The following EXPH5 variants were observed in gnomAD, a reference collection of about 807,000 sequenced individuals.
EXPH5 encodes exophilin-5.
In EXPH5, 42 loss-of-function variants were observed where a neutral mutation model predicts 41.1. The ratio of observed to expected loss-of-function variants is 1.02; its 90% confidence interval spans 0.80 to 1.32. The LOEUF is 1.32. EXPH5 is among the 40% of genes most tolerant of loss of function. The pLI is 0.00. For synonymous variants in EXPH5, 798 were observed against 833.5 expected (o/e 0.96, Z 0.73); for missense variants, 2,298 against 2,314.5 (o/e 0.99, Z 0.15).
chr11:108,599,030 G>GAC, the EXPH5 span, among the ~76,000 whole-genome samples: 3 of 150,942 alleles, frequency 2.0e-5, no homozygotes, highest in Non-Finnish European at 4.4e-5. Context: ...TCCGGAAAAA[G>GAC]AGACGGAGAG....
intron 1 of EXPH5, among the ~76,000 whole-genome samples, chr11:108,543,355 T>C (rs1049552033): frequency 6.6e-6 from 1 of 152,148 alleles, no homozygotes. Context: ...CTAGAACTGT[T>C]TGGAAATGAG....
At chr11:108,534,616 G>A (rs2093867120) in intron 3 of EXPH5, among the ~76,000 whole-genome samples, 1 of 152,186 alleles carries the variant, frequency 6.6e-6, no homozygotes, top group Non-Finnish European at 1.5e-5. Context: ...TCAAAAATTA[G>A]CTCTCTTCTT....
At chr11:108,538,236 G>C (rs2093891916) in intron 3 of EXPH5, 1 of 985,248 alleles carries the variant, frequency 1.0e-6, no homozygotes, top group Admixed American at 6.2e-5. Context: ...GTGGTTTGAC[G>C]GCACGCGGAA....
At chr11:108,592,758 C>T (rs961393248) in intron 1 of EXPH5, among the ~76,000 whole-genome samples, 2 of 152,226 alleles carry the variant, frequency 1.3e-5, no homozygotes, top group African/African-American at 4.8e-5. Context: ...CACAGCACCA[C>T]GCACAAGAAG....
chr11:108,581,008 T>A (rs998769162), intron 1 of EXPH5, among the ~76,000 whole-genome samples: 1 of 152,194 alleles, frequency 6.6e-6, no homozygotes, highest in Non-Finnish European at 1.5e-5. Context: ...ACTATAGGTA[T>A]TTAATAACAT....
At chr11:108,576,083 T>C (rs958664453) in intron 1 of EXPH5, among the ~76,000 whole-genome samples, 4 of 152,226 alleles carry the variant, frequency 2.6e-5, no homozygotes, top group Non-Finnish European at 5.9e-5. Context: ...CTATATACTC[T>C]GGAGAACTGA....
chr11:108,506,930 G>T lies in EXPH5; in HGVS notation c.*2607C>A, dbSNP rs1370231248. On this transcript the variant is annotated 3_prime_UTR_variant, in exon 6 of 6. Transcript: ENST00000265843. ...CGCTTGAACCTGGGAGGCGGAGGTT[G>T]CAGTGAGCCGAGATTGCGCCATTGC... 1.3e-5 allele frequency: 2 copies of T among 152,182 alleles called. No homozygotes were observed. The highest frequency in any genetic ancestry group is 2.9e-5 in the Non-Finnish European group (2 of 68,072). The allele number at this position is 152,182 out of a possible 1,614,324, so 9.4% of individuals were successfully genotyped here.
Position 108,511,929 on chromosome 11 carries a change from C to T in EXPH5, c.3578G>A (p.Gly1193Asp). The T allele has an allele frequency of 6.2e-7, 1 of 1,600,152 alleles. No homozygotes were observed. The highest frequency in any genetic ancestry group is 8.5e-7 in the Non-Finnish European group (1 of 1,176,030). ...ENFQEYTEKEGKMAASRRSVF... is the reference protein window; with the variant it reads ...ENFQEYTEKEDKMAASRRSVF... ...ACTTCTCCTGGAGGCAGCCATTTTA[C>T]CCTCTTTCTCAGTGTATTCTTGGAA... Residue 1193 changes from glycine (G) to aspartate (D), a missense_variant, in exon 6 of 6, where the codon GGT becomes GAT. Physicochemically the swap from Gly to Asp is moderately conservative, Grantham distance 94. Transcript: ENST00000265843.
chr11:108,546,090 A>G (rs2093936988), intron 1 of EXPH5, among the ~76,000 whole-genome samples: 1 of 151,972 alleles, frequency 6.6e-6, no homozygotes, highest in Admixed American at 6.6e-5. Context: ...TAGCCTCTGT[A>G]GAGCAACAAG....
At position 108,593,587 on chromosome 11, in the gene EXPH5, G is replaced by C; in HGVS notation, c.-51C>G. 1 of 1,613,216 alleles carries C rather than the reference G, an allele frequency of 6.2e-7. No homozygotes were observed. On this transcript the variant is annotated 5_prime_UTR_variant, in exon 1 of 6. Coordinates refer to ENST00000265843, the MANE Select transcript of EXPH5 (RefSeq NM_015065.3). ...TTAAGCTCCTTGGCGCCTCCTGTTA[G>C]GAAGGCATTTTTCAACCTGTACAAG...
chr11:108,518,369 G>A lies in EXPH5; in HGVS notation c.497C>T (p.Ala166Val). The A allele has an allele frequency of 6.2e-7, 1 of 1,613,022 alleles. No homozygotes were observed. Among genetic ancestry groups the A allele is most frequent in the Non-Finnish European group, 8.5e-7 (1 of 1,179,654 alleles). Residue 166 changes from alanine to valine, a missense_variant, in exon 5 of 6, where the codon GCA (alanine) becomes GTA (valine). Physicochemically the swap from Ala to Val is moderately conservative, Grantham distance 64. Coordinates refer to ENST00000265843, the MANE Select transcript of EXPH5 (RefSeq NM_015065.3). ...TTCCAGAGGTGAATTGTATATTTTT[G>A]CCTGCTAATTTTAAAGCAGAGAACA... Reference protein sequence around the residue: ...PMPVRGAAVQAKIYNSPLENH... With the variant: ...PMPVRGAAVQVKIYNSPLENH...
At chr11:108,574,907 C>CT (rs2094074838) in intron 1 of EXPH5, among the ~76,000 whole-genome samples, 1 of 152,198 alleles carries the variant, frequency 6.6e-6, no homozygotes, top group Non-Finnish European at 1.5e-5. Flanking sequence ...TCTGGAGCAG[C>CT]TGCAGCTATT....
At chr11:108,565,388 T>G (rs2094030339) in intron 1 of EXPH5, among the ~76,000 whole-genome samples, 1 of 152,220 alleles carries the variant, frequency 6.6e-6, no homozygotes, top group Non-Finnish European at 1.5e-5. Context: ...AACTGGGGAC[T>G]CAGATTGGCC....
the EXPH5 span, among the ~76,000 whole-genome samples, chr11:108,602,716 A>C: frequency 6.6e-6 from 1 of 152,278 alleles, no homozygotes; most frequent in South Asian, 2.1e-4. Context: ...CACCCATCTA[A>C]AACTGTCTTT....
At chr11:108,584,197 T>C (rs1220519071) in intron 1 of EXPH5, among the ~76,000 whole-genome samples, 1 of 152,176 alleles carries the variant, frequency 6.6e-6, no homozygotes, top group Non-Finnish European at 1.5e-5. Flanking sequence ...TCATTCTGGC[T>C]GGGCACAGTG....
chr11:108,591,749 A>T (rs544215750), intron 1 of EXPH5, among the ~76,000 whole-genome samples: 1 of 108,812 alleles, frequency 9.2e-6, no homozygotes, highest in East Asian at 2.7e-4. Context: ...CTATGTGGAG[A>T]TCCAGTTCCC....
chr11:108,505,707 A>G lies in EXPH5; in HGVS notation c.*3830T>C, dbSNP rs2093640847. ...ACATTTAAATGGGATATTCTGAAGC[A>G]TTATTATTATCAATAAACTCTAAGC... On this transcript the variant is annotated 3_prime_UTR_variant, in exon 6 of 6. Transcript: ENST00000265843. 1 of 152,254 alleles carries G rather than the reference A, an allele frequency of 6.6e-6. No individual in the cohort carries two copies. The highest frequency in any genetic ancestry group is 2.4e-5 in the African/African-American group (1 of 41,466). The allele number at this position is 152,254 out of a possible 1,614,324, so 9.4% of individuals were successfully genotyped here. A position where few individuals can be genotyped will look rare whatever the true frequency, so the allele number is the denominator to read the frequency against.
At position 108,510,155 on chromosome 11, in the gene EXPH5, C is replaced by T. The variant is rs762777888; in HGVS notation, c.5352G>A (p.Glu1784=). 1.9e-6 allele frequency: 3 copies of T among 1,613,896 alleles called. No homozygotes were observed. The highest frequency in any genetic ancestry group is 2.2e-5 in the East Asian group (1 of 44,878). The change falls in exon 6 of 6, where the codon GAG becomes GAA. Residue 1784 remains glutamate (E), a synonymous_variant. Transcript: ENST00000265843. The part of the protein sequence containing the change: ...LQQQRSASSL[E]WEPEPHLYRS... ...GATAGAGGTGTGGCTCAGGTTCCCACTCCAGAGATGAAGCACTCCTTTGTT... is the reference window on the plus strand; with the variant it reads ...GATAGAGGTGTGGCTCAGGTTCCCATTCCAGAGATGAAGCACTCCTTTGTT...
chr11:108,557,088 G>C (rs530080816), intron 1 of EXPH5, among the ~76,000 whole-genome samples: 2 of 152,326 alleles, frequency 1.3e-5, no homozygotes, highest in Non-Finnish European at 2.9e-5. Context: ...GTGCCATTTA[G>C]GCCTTAGCTA....
Sources: allele counts gnomAD v4.1 joint callset (sites outside exome capture counted in the v4.1 genomes callset), GRCh38; gene constraint gnomAD v4.1.1; transcripts MANE v1.5; gene names NCBI Gene and HGNC (gene_info 2026-07-23, HGNC 2026-07-21).